Variants in CCDC82 observed in about 807,000 individuals in gnomAD.
The protein encoded by CCDC82 is coiled-coil domain-containing protein 82.
CCDC82 carries 47 observed loss-of-function variants against 60.6 expected under a neutral mutation model. That is an observed-to-expected ratio of 0.77 (90% confidence interval 0.61 to 0.99). The LOEUF (loss-of-function observed/expected upper bound fraction) is 0.99, where lower values mean the gene tolerates loss of function less well. Among genes scored for constraint, CCDC82 ranks in the 50% least tolerant of loss-of-function variants. CCDC82 has a pLI of 0.00. For synonymous variants in CCDC82, 212 were observed against 207.4 expected (o/e 1.02, Z -0.19); for missense variants, 588 against 633.0 (o/e 0.93, Z 0.76).
chr11:96,358,841 C>A, intron 9 of CCDC82, 152 bp downstream of exon 9: 1 of 808,300 alleles, frequency 1.2e-6, no homozygotes, highest in Non-Finnish European at 1.9e-6. Flanking sequence ...CAATGATAAG[C>A]ATGAAAGGAA....
At chr11:96,375,418 CAA>C (rs1465731395) in intron 5 of CCDC82, among the ~76,000 whole-genome samples, 3 of 152,178 alleles carry the variant, frequency 2.0e-5, no homozygotes, top group Admixed American at 2.0e-4. Flanking sequence ...GAATGTACTT[CAA>C]AAAAGTCAGG....
rs1865226996 is a variant in CCDC82 at position 96,370,909 on chromosome 11, A to C, written c.1209+104T>G. On this transcript the variant is annotated intron_variant, in intron 7 of 9. Transcript: ENST00000646818. The stretch of plus-strand genomic sequence containing the variant: ...GAAATAATAAGCTGATTATTTAACA[A>C]AGACATGCCAATATTTTAGAAGATT... The C allele has an allele frequency of 5.0e-6, 5 of 1,007,280 alleles. No homozygotes were observed. In the East Asian group the frequency reaches 1.4e-4, roughly 29 times the overall value. The allele number at this position is 1,007,280 out of a possible 1,614,324, so 62.4% of individuals were successfully genotyped here.
intron 6 of CCDC82, among the ~76,000 whole-genome samples, chr11:96,371,918 T>G (rs1346364172): frequency 6.6e-6 from 1 of 152,262 alleles, no homozygotes; most frequent in Non-Finnish European, 1.5e-5. Flanking sequence ...TGTCATCGTA[T>G]GAATTTAAGC....
chr11:96,359,197 A>G lies in CCDC82; in HGVS notation c.1381-19T>C. Reference sequence around the variant, plus strand: ...TGAACACCTAAATCAAGAAATAAAGATTGTTATCTGACAACGAATATATAT... The same window carrying G: ...TGAACACCTAAATCAAGAAATAAAGGTTGTTATCTGACAACGAATATATAT... On this transcript the variant is annotated intron_variant, in intron 8 of 9. Transcript: ENST00000646818. The G allele has an allele frequency of 6.5e-7, 1 of 1,542,298 alleles. No individual in the cohort carries two copies. The highest frequency in any genetic ancestry group is 8.7e-7 in the Non-Finnish European group (1 of 1,153,796).
intron 7 of CCDC82, among the ~76,000 whole-genome samples, chr11:96,369,948 C>T (rs1226700151): frequency 5.3e-5 from 8 of 152,104 alleles, no homozygotes; most frequent in Non-Finnish European, 1.2e-4. Flanking sequence ...TAAGTATATA[C>T]AGTATTTCAT....
chr11:96,359,255 G>T, intron 8 of CCDC82, 77 bp from the exon 9 acceptor site: 3 of 1,101,626 alleles, frequency 2.7e-6, no homozygotes, highest in Middle Eastern at 3.0e-4. Context: ...TTTAGTAGTA[G>T]AATCAAAATG....
At chr11:96,375,360 G>A (rs1419588852) in intron 5 of CCDC82, among the ~76,000 whole-genome samples, 4 of 152,152 alleles carry the variant, frequency 2.6e-5, no homozygotes, top group African/African-American at 9.7e-5. Context: ...AATCATTTGA[G>A]AAGTCTTGTC....
chr11:96,368,993 C>T (rs1865110592), intron 7 of CCDC82, among the ~76,000 whole-genome samples: 1 of 152,204 alleles, frequency 6.6e-6, no homozygotes, highest in Non-Finnish European at 1.5e-5. Flanking sequence ...TCTCCATTAG[C>T]ACTTGCTGCT....
rs552851034 is a variant in CCDC82 at position 96,365,158 on chromosome 11, C to T, written c.1210-8G>A. On this transcript the variant is annotated splice_polypyrimidine_tract_variant and splice_region_variant and intron_variant, in intron 7 of 9. Transcript: ENST00000646818. ...ATAATTTTCTACTCGCTCCTGAAAA[C>T]AAAAAATATAAAAAAAAGTTTAAAA... is the stretch of plus-strand genomic sequence containing the variant. 1.3e-5 allele frequency: 20 copies of T among 1,482,826 alleles called. 2 individuals carry two copies. In the South Asian group the frequency reaches 2.7e-4, roughly 20 times the overall value. The allele number at this position is 1,482,826 out of a possible 1,614,324, so 91.9% of individuals were successfully genotyped here.
chr11:96,370,471 G>T (rs1217116257), intron 7 of CCDC82, among the ~76,000 whole-genome samples: 2 of 152,084 alleles, frequency 1.3e-5, no homozygotes, highest in African/African-American at 4.8e-5. Context: ...AGCAAAGAAA[G>T]ATGCCAAACA....
chr11:96,356,448 C>T (rs1864353394), intron 9 of CCDC82: 1 of 985,386 alleles, frequency 1.0e-6, no homozygotes, highest in Non-Finnish European at 1.2e-6. Context: ...GCATCTGATA[C>T]TTCTATTGAC....
Position 96,384,173 on chromosome 11 carries a change from C to T in CCDC82, c.575G>A (p.Ser192Asn). ...RKRLSSVMCD[S>N]DESDDSDILV... ...GATATCGCTGTCATCACTCTCATCA[C>T]TGTCACACATCACAGAGGATAGCCT... Residue 192 changes from serine to asparagine, a missense_variant, in exon 4 of 10, where the codon AGT (serine) becomes AAT (asparagine). By Grantham distance (46) the Ser-to-Asn change is conservative. Coordinates refer to ENST00000646818, the MANE Select transcript of CCDC82 (RefSeq NM_024725.4). 6 of 1,613,886 alleles carry T rather than the reference C, an allele frequency of 3.7e-6. No homozygotes were observed. Among genetic ancestry groups the T allele is most frequent in the Non-Finnish European group, 5.1e-6 (6 of 1,179,844 alleles).
At chr11:96,379,037 A>C (rs926957526) in intron 5 of CCDC82, among the ~76,000 whole-genome samples, 4 of 151,976 alleles carry the variant, frequency 2.6e-5, no homozygotes, top group African/African-American at 9.7e-5. Flanking sequence ...GAAATACTGA[A>C]TTTAGAGTTA....
intron 1 of CCDC82, chr11:96,388,710 T>C (rs944837915): frequency 6.6e-6 from 1 of 152,222 alleles, no homozygotes; most frequent in Non-Finnish European, 1.5e-5. Flanking sequence ...GTATAAACAA[T>C]GCAGGTGGTA....
intron 4 of CCDC82, 87 bp from the exon 5 acceptor site, chr11:96,383,560 C>A: frequency 2.4e-6 from 2 of 817,138 alleles, no homozygotes; most frequent in South Asian, 2.1e-5. Context: ...AATCTGACAG[C>A]AAAAAAATGA....
At chr11:96,376,805 T>C (rs565046217) in intron 5 of CCDC82, among the ~76,000 whole-genome samples, 2 of 152,320 alleles carry the variant, frequency 1.3e-5, no homozygotes, top group Admixed American at 1.3e-4. Flanking sequence ...GATTATATCA[T>C]TTAAGTAATT....
chr11:96,353,937 T>C (rs1011035363), intron 9 of CCDC82: 2 of 356,030 alleles, frequency 5.6e-6, no homozygotes, highest in Admixed American at 4.5e-5. Context: ...AAAGTGAATA[T>C]TATTAATTTT....
intron 1 of CCDC82, 47 bp downstream of exon 1, chr11:96,389,797 G>A (rs1308591252): frequency 1.3e-5 from 2 of 152,332 alleles, no homozygotes; most frequent in African/African-American, 4.8e-5. Flanking sequence ...GGGAGCGCGA[G>A]CGAGTCCCAG....
At chr11:96,365,494 T>A (rs574290778) in intron 7 of CCDC82, among the ~76,000 whole-genome samples, 1 of 152,082 alleles carries the variant, frequency 6.6e-6, no homozygotes, top group African/African-American at 2.4e-5. Flanking sequence ...AAATGTAGGA[T>A]GATATAAGAA....
Sources: gnomAD v4.1 joint callset for allele counts (sites outside exome capture counted in the v4.1 genomes callset) on GRCh38, gnomAD v4.1.1 for gene constraint, MANE v1.5 for transcripts, NCBI Gene and HGNC (gene_info 2026-07-23, HGNC 2026-07-21) for gene names.